GPR137B: variants seen among roughly 807,000 people sequenced by gnomAD.
The protein encoded by GPR137B is integral membrane protein GPR137B.
A neutral mutation model predicts 42.5 loss-of-function variants in GPR137B; 42 were observed. The ratio of observed to expected loss-of-function variants is 0.99; its 90% CI spans 0.77 to 1.28. The LOEUF (loss-of-function observed/expected upper bound fraction) is 1.28. Among genes scored for constraint, GPR137B ranks in the 50% most tolerant of loss-of-function variants. GPR137B has a pLI of 0.00. For missense variants in GPR137B, 487 were observed against 493.9 expected (o/e 0.99, Z 0.13); for synonymous variants, 218 against 209.7 (o/e 1.04, Z -0.34).
intron 3 of GPR137B, among the ~76,000 whole-genome samples, chr1:236,179,428 C>CA (rs1246740006): frequency 6.6e-6 from 1 of 152,106 alleles, no homozygotes; most frequent in East Asian, 1.9e-4. Flanking sequence ...TTCCCGGCCT[C>CA]AAAGATTCCA....
intron 4 of GPR137B, among the ~76,000 whole-genome samples, chr1:236,180,961 A>G (rs1246832218): frequency 1.3e-5 from 2 of 152,200 alleles, no homozygotes; most frequent in African/African-American, 2.4e-5. Flanking sequence ...GTAAGATGAT[A>G]TTATTAAAGG....
intron 1 of GPR137B, among the ~76,000 whole-genome samples, chr1:236,143,331 T>G (rs949017636): frequency 6.6e-6 from 1 of 152,246 alleles, no homozygotes; most frequent in Non-Finnish European, 1.5e-5. Flanking sequence ...CGCTTCTCCG[T>G]GCGCAGCGCG....
chr1:236,206,183 C>A (rs1168991834), intron 6 of GPR137B, among the ~76,000 whole-genome samples: 1 of 152,116 alleles, frequency 6.6e-6, no homozygotes, highest in Non-Finnish European at 1.5e-5. Flanking sequence ...CTAAGAGATT[C>A]ACAAATATCA....
chr1:236,166,779 G>A lies in GPR137B; in HGVS notation c.415-1927G>A, dbSNP rs78955983. On this transcript the variant is annotated intron_variant, in intron 1 of 6. Transcript: ENST00000366592. ...GTGGGTGGGGCACTTGAGGTCAGGC[G>A]TGAGCCATTGTGCCTGGCCGTCATA... Among the ~76,000 whole-genome samples, 475 of 152,164 alleles carry A rather than the reference G, an allele frequency of 3.1e-3. 4 individuals carry two copies. Among genetic ancestry groups the A allele is most frequent in the African/African-American group, 0.011 (444 of 41,518 alleles).
intron 5 of GPR137B, among the ~76,000 whole-genome samples, chr1:236,197,510 T>G (rs11485006): frequency 0.17 from 26,238 of 152,170 alleles, 2,609 homozygotes; most frequent in African/African-American, 0.25. Context: ...AGAATTTTTC[T>G]GGTTTCAGGT....
At chr1:236,162,921 G>A (rs778885016) in intron 1 of GPR137B, among the ~76,000 whole-genome samples, 10 of 152,350 alleles carry the variant, frequency 6.6e-5, no homozygotes, top group African/African-American at 9.6e-5. Context: ...ACTGTCTAGC[G>A]GAGCTGTGAG....
At chr1:236,174,865 G>C (rs1378090584) in intron 2 of GPR137B, among the ~76,000 whole-genome samples, 2 of 152,062 alleles carry the variant, frequency 1.3e-5, no homozygotes, top group Non-Finnish European at 2.9e-5. Flanking sequence ...AGGACATTGG[G>C]AATTGAGTTT....
At position 236,150,133 on chromosome 1, in the gene GPR137B, G is replaced by C. The variant is rs1661808061; in HGVS notation, c.414+7097G>C. Among the ~76,000 whole-genome samples, 1 of 150,812 alleles carries C rather than the reference G, an allele frequency of 6.6e-6. No individual in the cohort carries two copies. Among genetic ancestry groups the C allele is most frequent in the Admixed American group, 6.6e-5 (1 of 15,136 alleles). On this transcript the variant is annotated intron_variant, in intron 1 of 6. Transcript: ENST00000366592. This position sits in a 1 kb window ranked among gnomAD's most constrained non-coding sequence, Gnocchi z 6.2. ...TGTATGTCTGTGCCTGCGTGTGCCT[G>C]TGTGTGTGCCTCTGTTTGTGTCTGT...
intron 5 of GPR137B, among the ~76,000 whole-genome samples, chr1:236,188,804 G>A (rs1663108901): frequency 6.6e-6 from 1 of 152,158 alleles, no homozygotes; most frequent in African/African-American, 2.4e-5. Context: ...GTCTCTGCCA[G>A]GTTTTGGTAT....
chr1:236,205,366 T>C, intron 6 of GPR137B, 116 bp downstream of exon 6: 1 of 788,598 alleles, frequency 1.3e-6, no homozygotes, highest in African/African-American at 1.7e-5. Context: ...TTAGGTGGTA[T>C]AAGACTGGAT....
At chr1:236,181,520 T>G (rs1253910728) in intron 4 of GPR137B, among the ~76,000 whole-genome samples, 1 of 152,232 alleles carries the variant, frequency 6.6e-6, no homozygotes, top group Non-Finnish European at 1.5e-5. Context: ...TGGCAAATGT[T>G]CCTTAGCTTT....
chr1:236,151,605 G>C (rs139885224), intron 1 of GPR137B, among the ~76,000 whole-genome samples: 1,923 of 151,898 alleles, frequency 0.013, 39 homozygotes, highest in African/African-American at 0.044. Context: ...TGTATTTTTA[G>C]TAGAGACGGG....
intron 5 of GPR137B, among the ~76,000 whole-genome samples, chr1:236,190,148 C>CTTCTTTTTT (rs61093509): frequency 3.7e-4 from 44 of 119,304 alleles, no homozygotes; most frequent in African/African-American, 7.0e-4. Context: ...CCTGCTTCTT[C>CTTCTTTTTT]TTTTTTTTTT....
At chr1:236,192,089 G>C (rs1164787681) in intron 5 of GPR137B, among the ~76,000 whole-genome samples, 1 of 152,218 alleles carries the variant, frequency 6.6e-6, no homozygotes, top group African/African-American at 2.4e-5. Flanking sequence ...GCTCTGCCCA[G>C]TTTGAACTTC....
intron 5 of GPR137B, among the ~76,000 whole-genome samples, chr1:236,204,596 AG>A (rs1390667489): frequency 1.3e-5 from 2 of 152,244 alleles, no homozygotes; most frequent in Admixed American, 1.3e-4. Context: ...TGTTACTAAC[AG>A]TGAAAGTCTT....
rs879888159 is a variant in GPR137B, at chr1:236,169,172, CTGCAGGTGCAGG to C, written c.464+449_464+460del. Among the ~76,000 whole-genome samples the C allele has an allele frequency of 4.4e-3, 653 of 148,812 alleles. 6 individuals are homozygous for C. The highest frequency in any genetic ancestry group is 0.015 in the African/African-American group (585 of 39,706). ...CCATCCCGCACCTCCCATGCTCCCA[CTGCAGGTGCAGG>C]TGCAGGTGCAGGTGCAGGTGCAGGT... On this transcript the variant is annotated intron_variant, in intron 2 of 6. Coordinates refer to ENST00000366592, the MANE Select transcript of GPR137B (RefSeq NM_003272.4).
rs537320440 is a variant in GPR137B at position 236,193,444 on chromosome 1, C to T, written c.966+9538C>T. 1.1e-4 allele frequency among the ~76,000 whole-genome samples: 17 copies of T among 152,238 alleles called. No individual in the cohort carries two copies. In the East Asian group the frequency reaches 3.3e-3, roughly 29 times the overall value. On this transcript the variant is annotated intron_variant, in intron 5 of 6. Coordinates refer to ENST00000366592, the MANE Select transcript of GPR137B (RefSeq NM_003272.4). ...TTTCTGAGTGTCACTTTCTGAAAAA[C>T]TGCCAGACTATTTTCCACAGAGACA...
Position 236,178,654 on chromosome 1 carries a change from C to A in GPR137B, c.687+18C>A, listed in dbSNP as rs375882915. 1.3e-4 allele frequency: 185 copies of A among 1,420,344 alleles called. No homozygotes were observed. The highest frequency in any genetic ancestry group is 2.6e-5 in the Non-Finnish European group (26 of 1,005,148). 88.0% of individuals were successfully genotyped at this position (1,420,344 alleles called of 1,614,324 possible). On this transcript the variant is annotated intron_variant, in intron 3 of 6. Transcript: ENST00000366592. ...AGTCCAAGGTAGGTGGAAATGTGGTCAAGATCCCTCCCATGAAACGTGTTC... is the reference window on the plus strand; with the variant it reads ...AGTCCAAGGTAGGTGGAAATGTGGTAAAGATCCCTCCCATGAAACGTGTTC...
At chr1:236,168,906 C>A in intron 2 of GPR137B, 151 bp downstream of exon 2, 2 of 678,628 alleles carry the variant, frequency 2.9e-6, no homozygotes, top group South Asian at 1.7e-5. Context: ...TTGTGCACAT[C>A]ATGTGCATTG....
Sources: allele counts gnomAD v4.1 joint callset (sites outside exome capture counted in the v4.1 genomes callset), GRCh38; gene constraint gnomAD v4.1.1; non-coding constraint Gnocchi (gnomAD v3.1); transcripts MANE v1.5; gene names NCBI Gene and HGNC (gene_info 2026-07-23, HGNC 2026-07-21).